CNTN5: variants seen among roughly 807,000 people sequenced by gnomAD.
CNTN5 encodes contactin-5.
CNTN5 carries 77 observed loss-of-function variants against 129.1 expected under a neutral mutation model. That is an observed-to-expected ratio of 0.60 (90% CI 0.50 to 0.72). The LOEUF is 0.72. Ranked by LOEUF, CNTN5 falls within the 30% of genes least tolerant of loss-of-function variation. The pLI is 0.00. For synonymous variants in CNTN5, 509 were observed against 465.6 expected, an observed-to-expected ratio of 1.09 and a Z score of -1.20; for missense variants, 1,478 against 1,328.8, an observed-to-expected ratio of 1.11 and a Z score of -1.75.
chr11:100,256,538 C>A (rs1170540073), intron 17 of CNTN5, among the ~76,000 whole-genome samples: 1 of 152,076 alleles, frequency 6.6e-6, no homozygotes, highest in Non-Finnish European at 1.5e-5. Context: ...TAGCTCTGGT[C>A]TGCAGTTCCC....
intron 1 of CNTN5, among the ~76,000 whole-genome samples, chr11:99,201,208 T>C (rs1440489408): frequency 1.3e-5 from 2 of 151,638 alleles, no homozygotes; most frequent in African/African-American, 4.8e-5. Context: ...ATATTTTTAG[T>C]AGAGATGGGG....
intron 3 of CNTN5, among the ~76,000 whole-genome samples, chr11:99,619,922 A>G (rs1002462560): frequency 1.4e-4 from 21 of 151,430 alleles, no homozygotes; most frequent in Admixed American, 1.3e-3. Flanking sequence ...GCTACTCGGA[A>G]GGCTGAGGCA....
chr11:100,133,297 G>T (rs760662634), intron 13 of CNTN5, among the ~76,000 whole-genome samples: 7 of 152,074 alleles, frequency 4.6e-5, no homozygotes, highest in Non-Finnish European at 8.8e-5. Flanking sequence ...GATATGAAAA[G>T]AATTGCCAAC....
intron 2 of CNTN5, among the ~76,000 whole-genome samples, chr11:99,546,220 AT>A (rs1481015853): frequency 6.6e-6 from 1 of 152,116 alleles, no homozygotes; most frequent in African/African-American, 2.4e-5. Flanking sequence ...ATTTGGAAAG[AT>A]TTCATTTTTC....
At chr11:99,445,852 G>A (rs1304186260) in intron 2 of CNTN5, among the ~76,000 whole-genome samples, 1 of 152,036 alleles carries the variant, frequency 6.6e-6, no homozygotes, top group Non-Finnish European at 1.5e-5. Flanking sequence ...GGGAGGCCGA[G>A]GCAGGCGGAT....
chr11:99,744,377 G>A (rs771216520), intron 3 of CNTN5, among the ~76,000 whole-genome samples: 11 of 151,794 alleles, frequency 7.2e-5, no homozygotes, highest in Middle Eastern at 3.4e-3. Context: ...TCTTAAGGAC[G>A]TAAGACACCT....
chr11:99,487,423 C>T (rs1232680913), intron 2 of CNTN5, among the ~76,000 whole-genome samples: 2 of 152,174 alleles, frequency 1.3e-5, no homozygotes, highest in Non-Finnish European at 2.9e-5. Context: ...AAATAAGATG[C>T]TTCTTGTCTG....
intron 3 of CNTN5, among the ~76,000 whole-genome samples, chr11:99,755,553 G>GT (rs1291012126): frequency 6.6e-6 from 1 of 151,648 alleles, no homozygotes; most frequent in Non-Finnish European, 1.5e-5. Flanking sequence ...ATTTTTTTCT[G>GT]TTTTTTAATT....
In CNTN5 at chr11:99,198,338, C is replaced by G. The variant is rs556891595; in HGVS notation, c.-209-127008C>G. 3.9e-5 allele frequency among the ~76,000 whole-genome samples: 6 copies of G among 152,222 alleles called. No individual in the cohort carries two copies. In the East Asian group the frequency reaches 1.2e-3, roughly 29 times the overall value. On this transcript the variant is annotated intron_variant, in intron 1 of 24. Transcript: ENST00000524871. The stretch of plus-strand genomic sequence containing the variant: ...TTTTGAGAACCACGATGAAGTTGAT[C>G]TCAGCATAATTTTTAAAAACAGATT...
chr11:100,162,256 A>C (rs1021341549), intron 13 of CNTN5, among the ~76,000 whole-genome samples: 7 of 151,880 alleles, frequency 4.6e-5, no homozygotes, highest in African/African-American at 1.7e-4. Context: ...TATTAACACC[A>C]TAAATGTTAA....
chr11:99,812,074 T>G (rs1946444776), intron 3 of CNTN5, among the ~76,000 whole-genome samples: 1 of 152,104 alleles, frequency 6.6e-6, no homozygotes, highest in Non-Finnish European at 1.5e-5. Flanking sequence ...AAAGGCCTAC[T>G]GGAAGTCAGT....
At chr11:99,849,257 C>A (rs541537652) in intron 6 of CNTN5, among the ~76,000 whole-genome samples, 6 of 151,552 alleles carry the variant, frequency 4.0e-5, no homozygotes, top group African/African-American at 1.4e-4. Flanking sequence ...TCGAAGTTTT[C>A]TTTCTTTTGC....
intron 2 of CNTN5, among the ~76,000 whole-genome samples, chr11:99,362,536 T>C (rs946294469): frequency 6.6e-6 from 1 of 151,984 alleles, no homozygotes; most frequent in African/African-American, 2.4e-5. Flanking sequence ...GGGTATCATA[T>C]CTGAAAAATA....
At chr11:99,787,457 G>T (rs757285618) in intron 3 of CNTN5, among the ~76,000 whole-genome samples, 1 of 151,176 alleles carries the variant, frequency 6.6e-6, no homozygotes, top group Non-Finnish European at 1.5e-5. Flanking sequence ...TTAGCAGTGA[G>T]AATGTATTTG....
At chr11:99,208,431 C>T (rs1859592135) in intron 1 of CNTN5, among the ~76,000 whole-genome samples, 2 of 152,094 alleles carry the variant, frequency 1.3e-5, no homozygotes, top group Middle Eastern at 3.4e-3. Context: ...AAATTAATAC[C>T]CTAAGGATAT....
intron 3 of CNTN5, among the ~76,000 whole-genome samples, chr11:99,770,561 T>C (rs535265831): frequency 6.6e-6 from 1 of 152,230 alleles, no homozygotes; most frequent in South Asian, 2.1e-4. Context: ...TATGTCAATA[T>C]CTCATAGTTT....
At chr11:99,445,935 T>G (rs1235717887) in intron 2 of CNTN5, among the ~76,000 whole-genome samples, 1 of 151,844 alleles carries the variant, frequency 6.6e-6, no homozygotes, top group Non-Finnish European at 1.5e-5. Context: ...AATACAAAAA[T>G]TAGCCAGGCG....
chr11:99,858,114 A>G (rs1042996848), intron 6 of CNTN5, among the ~76,000 whole-genome samples: 2 of 152,160 alleles, frequency 1.3e-5, no homozygotes, highest in African/African-American at 4.8e-5. Context: ...TAAGAAAAAA[A>G]TGAAAGTGTT....
chr11:99,215,446 C>T (rs2135684638), intron 1 of CNTN5, among the ~76,000 whole-genome samples: 1 of 152,132 alleles, frequency 6.6e-6, no homozygotes, highest in Non-Finnish European at 1.5e-5. Context: ...TTCATAAGAC[C>T]TCCTAATGGC....
Sources: allele counts gnomAD v4.1 joint callset (sites outside exome capture counted in the v4.1 genomes callset), GRCh38; gene constraint gnomAD v4.1.1; transcripts MANE v1.5; gene names NCBI Gene and HGNC (gene_info 2026-07-23, HGNC 2026-07-21).